The following LAMB1 variants were observed in gnomAD, a reference collection of about 807,000 sequenced individuals.
LAMB1 encodes the protein laminin subunit beta 1.
LAMB1 carries 121 observed loss-of-function variants against 222.3 expected under a neutral mutation model. The ratio of observed to expected loss-of-function variants is 0.54; its 90% confidence interval spans 0.47 to 0.63. The LOEUF (loss-of-function observed/expected upper bound fraction) is 0.63. LAMB1 is among the 30% of genes least tolerant of loss of function. The pLI, the probability that LAMB1 is intolerant of heterozygous loss-of-function variation, is 0.00. For missense variants in LAMB1, 2,172 were observed against 2,240.8 expected (o/e 0.97, Z 0.62); for synonymous variants, 794 against 807.2 (o/e 0.98, Z 0.28).
chr7:107,961,169 G>C (rs375928209), intron 17 of LAMB1, 37 bp downstream of exon 17: 469 of 1,613,084 alleles, frequency 2.9e-4, no homozygotes, highest in Non-Finnish European at 3.8e-4. Context: ...TTCCGCCCAG[G>C]CTTTCCTGCA....
At position 107,968,093 on chromosome 7, in the gene LAMB1, G is replaced by C. The variant is rs547953246; in HGVS notation, c.1563-3406C>G. On this transcript the variant is annotated intron_variant, in intron 13 of 33. Coordinates refer to ENST00000222399, the MANE Select transcript of LAMB1 (RefSeq NM_002291.3). Reference sequence around the variant, plus strand: ...TTGCTACAGTCATTCCCATCTCTGTGCCTTTACCCATCTTTTCCCTCCCAG... The same window carrying C: ...TTGCTACAGTCATTCCCATCTCTGTCCCTTTACCCATCTTTTCCCTCCCAG... 3.3e-5 allele frequency among the ~76,000 whole-genome samples: 5 copies of C among 152,162 alleles called. No homozygotes were observed. The East Asian group carries it at 9.7e-4, about 30-fold the overall frequency.
chr7:107,976,809 CTTCCTCTCTTTTCCTTTTCT>C, intron 9 of LAMB1, among the ~76,000 whole-genome samples: 1 of 150,604 alleles, frequency 6.6e-6, no homozygotes, highest in Non-Finnish European at 1.5e-5. Flanking sequence ...TCCCATCTTC[CTTCCTCTCTTTTCCTTTTCT>C]TTCCTCTCTC....
chr7:107,988,510 C>G (rs886140427), intron 5 of LAMB1, among the ~76,000 whole-genome samples: 4 of 152,182 alleles, frequency 2.6e-5, no homozygotes, highest in Admixed American at 2.6e-4. Context: ...AAAAACGTAT[C>G]AACCAGGGGC....
intron 9 of LAMB1, among the ~76,000 whole-genome samples, chr7:107,977,407 G>A (rs997941602): frequency 2.0e-5 from 3 of 152,088 alleles, no homozygotes; most frequent in African/African-American, 4.8e-5. Context: ...ACAGAAACAA[G>A]GCCAAAAATG....
At chr7:107,981,503 C>T (rs2033973750) in intron 7 of LAMB1, among the ~76,000 whole-genome samples, 1 of 151,502 alleles carries the variant, frequency 6.6e-6, no homozygotes, top group East Asian at 1.9e-4. Flanking sequence ...ATCCCAGTTA[C>T]TCTGGAGGTT....
rs1389549765 is a variant in LAMB1 at position 107,937,205 on chromosome 7, G to A, written c.3834C>T (p.Ser1278=). Reference sequence around the variant, plus strand: ...AATCCAGTTCTTTGGCTGTGCTGTTGCTTTGGGAAGTTGTGTCAGATAATT... The same window carrying A: ...AATCCAGTTCTTTGGCTGTGCTGTTACTTTGGGAAGTTGTGTCAGATAATT... ...EVKLSDTTSQ[S]NSTAKELDSL... Residue 1278 remains serine, a synonymous_variant, in exon 26 of 34, where the codon AGC becomes AGT. Transcript: ENST00000222399. 6.2e-6 allele frequency: 10 copies of A among 1,613,714 alleles called. No individual in the cohort carries two copies. The Admixed American group carries it at 1.5e-4, about 24-fold the overall frequency.
chr7:107,993,323 G>A (rs916093481), intron 5 of LAMB1, among the ~76,000 whole-genome samples: 4 of 151,852 alleles, frequency 2.6e-5, no homozygotes, highest in South Asian at 4.2e-4. Flanking sequence ...CAGTAGAGCC[G>A]GGGTTTCACC....
chr7:107,925,152 A>G (rs946895918), intron 32 of LAMB1, among the ~76,000 whole-genome samples: 1 of 152,230 alleles, frequency 6.6e-6, no homozygotes, highest in African/African-American at 2.4e-5. Context: ...AGAGAGAGGT[A>G]GGGAAAGTTA....
At chr7:108,000,202 AAAAAAAAAAGTTTAAAAAAGTTT>A (rs978189945) in intron 3 of LAMB1, among the ~76,000 whole-genome samples, 5 of 151,988 alleles carry the variant, frequency 3.3e-5, no homozygotes, top group African/African-American at 1.2e-4. Context: ...AGAACTCAAA[AAAAAAAAAAGTTTAAAAAAGTTT>A]AATTACAGCC....
At chr7:107,930,910 T>G (rs1242323720) in intron 29 of LAMB1, among the ~76,000 whole-genome samples, 3 of 152,214 alleles carry the variant, frequency 2.0e-5, no homozygotes, top group Non-Finnish European at 4.4e-5. Flanking sequence ...GAGAGTTTTC[T>G]GTAATTTGCA....
At chr7:107,993,891 T>A (rs896277138) in intron 5 of LAMB1, among the ~76,000 whole-genome samples, 12 of 151,872 alleles carry the variant, frequency 7.9e-5, no homozygotes, top group African/African-American at 2.9e-4. Context: ...TGCTGGGGAG[T>A]GGGCAAGGGG....
At chr7:107,986,775 A>T (rs1236353546) in intron 5 of LAMB1, among the ~76,000 whole-genome samples, 2 of 152,220 alleles carry the variant, frequency 1.3e-5, no homozygotes, top group Admixed American at 6.5e-5. Flanking sequence ...CCAGTGGACT[A>T]TATGTTGTAT....
intron 13 of LAMB1, among the ~76,000 whole-genome samples, chr7:107,971,961 A>G (rs959895161): frequency 6.6e-6 from 1 of 152,200 alleles, no homozygotes; most frequent in African/African-American, 2.4e-5. Context: ...TTACTAAAGG[A>G]TTCAACATGT....
chr7:107,928,611 G>C (rs2032625312), intron 31 of LAMB1, among the ~76,000 whole-genome samples: 1 of 151,754 alleles, frequency 6.6e-6, no homozygotes, highest in East Asian at 1.9e-4. Flanking sequence ...TCCTGCCTTA[G>C]CCTCCCAGGT....
At chr7:107,964,436 G>T in intron 14 of LAMB1, 116 bp downstream of exon 14, 1 of 1,189,512 alleles carries the variant, frequency 8.4e-7, no homozygotes, top group Non-Finnish European at 1.2e-6. Context: ...TCCTTATTTT[G>T]TGCTCACTGA....
chr7:107,946,632 A>G (rs2116376615), intron 24 of LAMB1, among the ~76,000 whole-genome samples: 1 of 152,372 alleles, frequency 6.6e-6, no homozygotes, highest in East Asian at 1.9e-4. Flanking sequence ...TCTTCTGAGA[A>G]CACATTCTGT....
chr7:107,991,556 CA>C (rs2034182161), intron 5 of LAMB1, among the ~76,000 whole-genome samples: 1 of 150,666 alleles, frequency 6.6e-6, no homozygotes, highest in African/African-American at 2.4e-5. Context: ...CACTGCACTC[CA>C]TCCTGGGCAA....
intron 23 of LAMB1, among the ~76,000 whole-genome samples, chr7:107,951,723 T>C (rs996159091): frequency 6.6e-6 from 1 of 151,832 alleles, no homozygotes; most frequent in Non-Finnish European, 1.5e-5. Flanking sequence ...AAGAAAAGAG[T>C]CTGCTTCAGC....
chr7:107,995,339 T>C (rs573065160), intron 4 of LAMB1, among the ~76,000 whole-genome samples: 96 of 152,228 alleles, frequency 6.3e-4, no homozygotes, highest in Non-Finnish European at 1.2e-3. Flanking sequence ...GGGCACTTCC[T>C]GTGCACAGTA....
Sources: allele counts gnomAD v4.1 joint callset (sites outside exome capture counted in the v4.1 genomes callset), GRCh38; gene constraint gnomAD v4.1.1; transcripts MANE v1.5; gene names NCBI Gene and HGNC (gene_info 2026-07-23, HGNC 2026-07-21).